The following C7 variants were observed in gnomAD, a reference collection of about 807,000 sequenced individuals.
C7 encodes complement C7.
C7 carries 83 observed loss-of-function variants against 104.8 expected under a neutral mutation model. That is an observed-to-expected ratio of 0.79 (90% CI 0.66 to 0.95). The LOEUF (loss-of-function observed/expected upper bound fraction) is 0.95. Ranked by LOEUF, C7 falls within the 40% of genes least tolerant of loss-of-function variation. C7 has a pLI of 0.00. For synonymous variants in C7, 415 were observed against 360.6 expected, an observed-to-expected ratio of 1.15 and a Z score of -1.71; for missense variants, 1,070 against 1,011.2, an observed-to-expected ratio of 1.06 and a Z score of -0.79.
intron 6 of C7, among the ~76,000 whole-genome samples, chr5:40,938,195 G>T (rs1365560209): frequency 6.6e-6 from 1 of 151,996 alleles, no homozygotes; most frequent in Admixed American, 6.6e-5. Context: ...GCTCCTCTAT[G>T]CCCCTCTCTG....
At chr5:40,980,583 C>A (rs1171292287) in intron 17 of C7, among the ~76,000 whole-genome samples, 3 of 152,234 alleles carry the variant, frequency 2.0e-5, no homozygotes, top group Non-Finnish European at 2.9e-5. Flanking sequence ...GCACAGCAAA[C>A]CTCCCATGAT....
At chr5:40,917,050 A>C (rs1184927509) in intron 1 of C7, among the ~76,000 whole-genome samples, 1 of 151,506 alleles carries the variant, frequency 6.6e-6, no homozygotes, top group East Asian at 2.0e-4. Context: ...CAAGAGAATC[A>C]CTTGAATCTG....
chr5:40,974,698 G>A (rs914659647), intron 15 of C7, among the ~76,000 whole-genome samples: 4 of 152,274 alleles, frequency 2.6e-5, no homozygotes, highest in East Asian at 1.9e-4. Context: ...GATTACAGGC[G>A]TGAGCCACTG....
intron 5 of C7, 136 bp downstream of exon 5, chr5:40,936,621 A>C (rs1739823738): frequency 4.0e-6 from 3 of 748,022 alleles, no homozygotes; most frequent in Non-Finnish European, 6.4e-6. Context: ...TCTTTGCCAC[A>C]TCCTGAGACA....
Position 40,962,167 on chromosome 5 carries a change from G to T in C7, c.1744G>T (p.Val582Phe). 1 of 1,536,818 alleles carries T rather than the reference G, an allele frequency of 6.5e-7. No homozygotes were observed. Among genetic ancestry groups the T allele is most frequent in the East Asian group, 2.3e-5 (1 of 43,254 alleles). ...PSPPALKDGF[V>F]QDEGTMFPVG... ...ACCTCCTGCCTTGAAAGATGGATTTGTTCAAGTTGGTTATGAAAGATATTT... is the reference window on the plus strand; with the variant it reads ...ACCTCCTGCCTTGAAAGATGGATTTTTTCAAGTTGGTTATGAAAGATATTT... The change falls in exon 13 of 18, where the codon GTT becomes TTT. Residue 582 changes from valine (V) to phenylalanine (F), a missense_variant. By Grantham distance (50) the Val-to-Phe change is conservative. Coordinates refer to ENST00000313164, the MANE Select transcript of C7 (RefSeq NM_000587.4).
intron 8 of C7, among the ~76,000 whole-genome samples, chr5:40,949,243 TG>T (rs1740113745): frequency 6.6e-6 from 1 of 152,026 alleles, no homozygotes; most frequent in Non-Finnish European, 1.5e-5. Flanking sequence ...ATATAGTGTA[TG>T]CCCCAAATAA....
At chr5:40,961,437 T>G (rs1400934319) in intron 12 of C7, among the ~76,000 whole-genome samples, 1 of 151,708 alleles carries the variant, frequency 6.6e-6, no homozygotes, top group African/African-American at 2.4e-5. Context: ...CAGGCAGGAG[T>G]ACAGTGGTGG....
chr5:40,976,952 T>C, intron 16 of C7, 112 bp downstream of exon 16: 1 of 807,862 alleles, frequency 1.2e-6, no homozygotes, highest in Non-Finnish European at 1.9e-6. Context: ...GAGTTAAGGG[T>C]CTTTGTTTGC....
Position 40,909,635 on chromosome 5 carries a change from T to A in C7, c.6+19T>A. 1.3e-6 allele frequency: 2 copies of A among 1,514,172 alleles called. No individual in the cohort carries two copies. Among genetic ancestry groups the A allele is most frequent in the Non-Finnish European group, 1.8e-6 (2 of 1,111,084 alleles). 93.8% of individuals were successfully genotyped at this position (1,514,172 alleles called of 1,614,324 possible). A position where few individuals can be genotyped will look rare whatever the true frequency, so the allele number is the denominator to read the frequency against. ...CATGAAGGTAAGACAATAAATTCAT[T>A]ACTTTTGTAAATGAAGCTATCTTTT... On this transcript the variant is annotated intron_variant, in intron 1 of 17. Transcript: ENST00000313164.
At chr5:40,942,768 CTT>C (rs530693111) in intron 6 of C7, among the ~76,000 whole-genome samples, 39 of 138,628 alleles carry the variant, frequency 2.8e-4, no homozygotes, top group Non-Finnish European at 2.5e-4. Context: ...TTCTTTCTTT[CTT>C]TTTTTTTTTT....
At chr5:40,923,318 C>T (rs1258578322) in intron 1 of C7, among the ~76,000 whole-genome samples, 1 of 152,090 alleles carries the variant, frequency 6.6e-6, no homozygotes, top group Admixed American at 6.5e-5. Flanking sequence ...GGTTTAATTG[C>T]CTTGTGGTTC....
At chr5:40,939,183 G>A (rs568271701) in intron 6 of C7, among the ~76,000 whole-genome samples, 2 of 152,302 alleles carry the variant, frequency 1.3e-5, no homozygotes, top group East Asian at 3.9e-4. Flanking sequence ...ATTATAAATA[G>A]CAAACATACC....
chr5:40,982,753 T>G lies in C7; in HGVS notation c.*1180T>G, dbSNP rs939839862. On this transcript the variant is annotated 3_prime_UTR_variant, in exon 18 of 18. Coordinates refer to ENST00000313164, the MANE Select transcript of C7 (RefSeq NM_000587.4). ...TTTGAAGCATTGACCTTTTATTTAT[T>G]CCTTATTTCTCTTTCATCAAAACAA... 1.2e-4 allele frequency: 18 copies of G among 152,370 alleles called. No individual in the cohort carries two copies. The highest frequency in any genetic ancestry group is 4.1e-4 in the African/African-American group (17 of 41,464). The allele number at this position is 152,370 out of a possible 1,614,324, so 9.4% of individuals were successfully genotyped here. A position where few individuals can be genotyped will look rare whatever the true frequency, so the allele number is the denominator to read the frequency against.
chr5:40,921,217 G>C (rs1413172012), intron 1 of C7, among the ~76,000 whole-genome samples: 2 of 151,938 alleles, frequency 1.3e-5, no homozygotes, highest in Non-Finnish European at 2.9e-5. Context: ...ATTTATAAAA[G>C]CTATAAAATA....
intron 3 of C7, among the ~76,000 whole-genome samples, chr5:40,931,952 G>C (rs972377957): frequency 6.6e-6 from 1 of 152,058 alleles, no homozygotes; most frequent in South Asian, 2.1e-4. Context: ...TAGAGATGAG[G>C]TTTAACCATC....
chr5:40,970,198 T>G (rs1227290438), intron 14 of C7, among the ~76,000 whole-genome samples: 2 of 152,176 alleles, frequency 1.3e-5, no homozygotes, highest in Non-Finnish European at 2.9e-5. Flanking sequence ...AGTCAAAGCT[T>G]TCAGTGCATC....
chr5:40,945,356 C>T lies in C7; in HGVS notation c.726C>T (p.Ile242=). 6.3e-7 allele frequency: 1 copy of T among 1,587,782 alleles called. No homozygotes were observed. The highest frequency in any genetic ancestry group is 8.5e-7 in the Non-Finnish European group (1 of 1,171,752). ...GTTATACTTCACATACCAATGAAAT[C>T]CATAAAGGAAAGGTTAGTATAAAAT... ...SRSYTSHTNE[I]HKGKSYQLLV... is the part of the protein sequence containing the mutation. Residue 242 remains isoleucine (I), a synonymous_variant, in exon 7 of 18, where the codon ATC becomes ATT. Transcript: ENST00000313164.
chr5:40,945,709 C>T (rs1338141446), intron 7 of C7, among the ~76,000 whole-genome samples: 1 of 151,324 alleles, frequency 6.6e-6, no homozygotes, highest in Non-Finnish European at 1.5e-5. Flanking sequence ...TATAAAAACA[C>T]AAAAATTAGC....
chr5:40,939,786 A>C (rs1351663660), intron 6 of C7, among the ~76,000 whole-genome samples: 1 of 152,246 alleles, frequency 6.6e-6, no homozygotes, highest in East Asian at 1.9e-4. Context: ...ACTTCGTTGG[A>C]AGGTAGACAG....
Sources: allele counts gnomAD v4.1 joint callset (sites outside exome capture counted in the v4.1 genomes callset), GRCh38; gene constraint gnomAD v4.1.1; transcripts MANE v1.5; gene names NCBI Gene and HGNC (gene_info 2026-07-23, HGNC 2026-07-21).